SH3GL3: variants seen among roughly 807,000 people sequenced by gnomAD.
The protein encoded by SH3GL3 is SH3 domain containing GRB2 like 3, endophilin A3, also known as endophilin-A3.
Under a neutral mutation model 47.7 loss-of-function variants are expected in SH3GL3, and 33 were observed. That is an observed-to-expected ratio of 0.69 (90% CI 0.52 to 0.92). The LOEUF (loss-of-function observed/expected upper bound fraction) is 0.92. SH3GL3 is among the 40% of genes least tolerant of loss of function. The probability of loss-of-function intolerance (pLI) is 0.00; values close to 1 mark genes in which losing one functional copy is unlikely to be tolerated. For synonymous variants in SH3GL3, 155 were observed against 148.8 expected (o/e 1.04, Z -0.30); for missense variants, 363 against 417.8 (o/e 0.87, Z 1.14).
intron 1 of SH3GL3, among the ~76,000 whole-genome samples, chr15:83,460,866 C>T (rs770600554): frequency 2.0e-5 from 3 of 152,012 alleles, no homozygotes; most frequent in East Asian, 1.9e-4. Flanking sequence ...AGGCAGATCC[C>T]GAGGTCAGGA....
intron 8 of SH3GL3, among the ~76,000 whole-genome samples, chr15:83,611,207 T>C (rs1261803515): frequency 6.6e-6 from 1 of 151,868 alleles, no homozygotes; most frequent in Non-Finnish European, 1.5e-5. Context: ...ACTGATACAG[T>C]ACTTACTGAC....
chr15:83,472,268 C>T (rs1221609675), intron 1 of SH3GL3, among the ~76,000 whole-genome samples: 1 of 152,198 alleles, frequency 6.6e-6, no homozygotes, highest in Non-Finnish European at 1.5e-5. Context: ...AAGTTTTCAA[C>T]CACTGTTTCT....
intron 6 of SH3GL3, among the ~76,000 whole-genome samples, chr15:83,583,095 C>G (rs972357752): frequency 6.6e-6 from 1 of 152,334 alleles, no homozygotes; most frequent in East Asian, 1.9e-4. Flanking sequence ...AAGGTGACCT[C>G]TATGGGAAAT....
At chr15:83,556,538 C>G (rs930202532) in intron 1 of SH3GL3, among the ~76,000 whole-genome samples, 2 of 152,172 alleles carry the variant, frequency 1.3e-5, no homozygotes, top group African/African-American at 4.8e-5. Flanking sequence ...AAAACCTGAA[C>G]AAGTGCGAAC....
At position 83,603,671 on chromosome 15, in the gene SH3GL3, G is replaced by A. The variant is rs141412268; in HGVS notation, c.839-14411G>A. ...TTTCTTTTATCTTTGCTTGTAGACT[G>A]GGCAACTTTTGTCTTTCTTATAGTA... On this transcript the variant is annotated intron_variant, in intron 8 of 8. Coordinates refer to ENST00000427482, the MANE Select transcript of SH3GL3 (RefSeq NM_003027.5). Among the ~76,000 whole-genome samples, 132 of 152,236 alleles carry A rather than the reference G, an allele frequency of 8.7e-4. 2 individuals are homozygous for A. The highest frequency in any genetic ancestry group is 3.1e-3 in the African/African-American group (129 of 41,546).
At chr15:83,628,733 C>T in the SH3GL3 span, among the ~76,000 whole-genome samples, 6 of 151,826 alleles carry the variant, frequency 4.0e-5, no homozygotes, top group African/African-American at 7.3e-5. Context: ...GGTGACAGAG[C>T]GAGACTCAGT....
chr15:83,519,676 C>G (rs904877400), intron 1 of SH3GL3, among the ~76,000 whole-genome samples: 16 of 152,136 alleles, frequency 1.1e-4, no homozygotes, highest in Non-Finnish European at 1.9e-4. Flanking sequence ...TCTAATTGCT[C>G]TGGCTAGGAC....
intron 1 of SH3GL3, among the ~76,000 whole-genome samples, chr15:83,472,098 C>A (rs965481247): frequency 1.3e-5 from 2 of 152,068 alleles, no homozygotes; most frequent in South Asian, 4.1e-4. Context: ...TGGCCAGGCT[C>A]ATCTCGAACT....
downstream of SH3GL3, among the ~76,000 whole-genome samples, chr15:83,620,425 G>T (rs1049442648): frequency 6.6e-6 from 1 of 152,174 alleles, no homozygotes; most frequent in Non-Finnish European, 1.5e-5. Context: ...CTTGAAAATA[G>T]AAATTACTTC....
At position 83,487,201 on chromosome 15, in the gene SH3GL3, CTGTTT is replaced by C. The variant is rs201908319; in HGVS notation, c.45+39625_45+39629del. The stretch of plus-strand genomic sequence containing the variant: ...CTTGAAGAATTTTTAACCGGTTTAC[CTGTTT>C]TTTTTTTTTTTTTATCTTTCTTGTT... On this transcript the variant is annotated intron_variant, in intron 1 of 8. Transcript: ENST00000427482. 4.5e-3 allele frequency among the ~76,000 whole-genome samples: 490 copies of C among 108,616 alleles called. 13 individuals are homozygous for C. In the East Asian group the frequency reaches 0.059, roughly 13 times the overall value. The allele number at this position is 108,616 out of a possible 152,430, so 71.3% of individuals were successfully genotyped here.
intron 1 of SH3GL3, among the ~76,000 whole-genome samples, chr15:83,526,835 C>A (rs1195232625): frequency 2.6e-5 from 4 of 152,236 alleles, no homozygotes; most frequent in African/African-American, 9.6e-5. Context: ...CATATTAATT[C>A]TTCTAACTCA....
intron 1 of SH3GL3, among the ~76,000 whole-genome samples, chr15:83,450,888 C>CTGG (rs898361410): frequency 7.9e-5 from 10 of 127,008 alleles, no homozygotes; most frequent in Non-Finnish European, 1.6e-4. Context: ...ATGTGCCATG[C>CTGG]TGGTGCGCTG....
chr15:83,541,865 T>G (rs986127786), intron 1 of SH3GL3, among the ~76,000 whole-genome samples: 1 of 152,218 alleles, frequency 6.6e-6, no homozygotes, highest in African/African-American at 2.4e-5. Flanking sequence ...TGGTTATTAA[T>G]CCCTTGTCAG....
chr15:83,501,273 T>C (rs1366009504), intron 1 of SH3GL3, among the ~76,000 whole-genome samples: 3 of 152,220 alleles, frequency 2.0e-5, no homozygotes, highest in African/African-American at 7.2e-5. Context: ...TATTTTTACA[T>C]TTTATGAAAC....
At chr15:83,499,381 CAG>C (rs1313945533) in intron 1 of SH3GL3, among the ~76,000 whole-genome samples, 1 of 133,190 alleles carries the variant, frequency 7.5e-6, no homozygotes, top group Non-Finnish European at 1.6e-5. Context: ...GCCTGGGCGA[CAG>C]AGACTCCATC....
intron 1 of SH3GL3, among the ~76,000 whole-genome samples, chr15:83,462,225 C>T (rs763994094): frequency 1.1e-4 from 17 of 152,216 alleles, no homozygotes; most frequent in Non-Finnish European, 2.5e-4. Context: ...GACTGCAAAA[C>T]TGCTGACTTC....
At chr15:83,566,266 C>G (rs2732154) in intron 3 of SH3GL3, among the ~76,000 whole-genome samples, 2 of 152,092 alleles carry the variant, frequency 1.3e-5, no homozygotes. Flanking sequence ...GCAGCCCTAG[C>G]AACCTCTTAT....
chr15:83,558,686 A>G (rs2045088332), intron 1 of SH3GL3, among the ~76,000 whole-genome samples: 1 of 152,048 alleles, frequency 6.6e-6, no homozygotes, highest in Non-Finnish European at 1.5e-5. Flanking sequence ...TCTTTTTTCC[A>G]TGCCTCATCC....
intron 1 of SH3GL3, among the ~76,000 whole-genome samples, chr15:83,514,245 C>A (rs1469222774): frequency 6.6e-6 from 1 of 152,198 alleles, no homozygotes; most frequent in Non-Finnish European, 1.5e-5. Flanking sequence ...AGAAGAACAT[C>A]TCCCTTGAAA....
Sources: gnomAD v4.1 joint callset for allele counts (sites outside exome capture counted in the v4.1 genomes callset) on GRCh38, gnomAD v4.1.1 for gene constraint, MANE v1.5 for transcripts, NCBI Gene and HGNC (gene_info 2026-07-23, HGNC 2026-07-21) for gene names.